The following NAALADL2 variants were observed in gnomAD, a reference collection of about 807,000 sequenced individuals.
The protein encoded by NAALADL2 is N-acetylated alpha-linked acidic dipeptidase like 2.
NAALADL2 carries 76 observed loss-of-function variants against 87.2 expected under a neutral mutation model. That is an observed-to-expected ratio of 0.87 (90% CI 0.72 to 1.05). The LOEUF (loss-of-function observed/expected upper bound fraction) is 1.05. Ranked by LOEUF, NAALADL2 falls within the 50% of genes least tolerant of loss-of-function variation. The pLI, the probability that NAALADL2 is intolerant of heterozygous loss-of-function variation, is 0.00. For synonymous variants in NAALADL2, 354 were observed against 331.0 expected, an observed-to-expected ratio of 1.07 and a Z score of -0.75; for missense variants, 1,089 against 945.8, an observed-to-expected ratio of 1.15 and a Z score of -1.99.
chr3:174,546,536 G>T (rs1722751621), intron 1 of NAALADL2, among the ~76,000 whole-genome samples: 1 of 152,152 alleles, frequency 6.6e-6, no homozygotes, highest in Non-Finnish European at 1.5e-5. Context: ...GATACAAACT[G>T]ACATTTCTTA....
intron 12 of NAALADL2, among the ~76,000 whole-genome samples, chr3:175,751,799 C>G (rs62286117): frequency 0.099 from 15,031 of 151,962 alleles, 783 homozygotes; most frequent in Middle Eastern, 0.14. Flanking sequence ...CTCAGTTTGT[C>G]CTCTTTTCTC....
At chr3:175,446,144 T>G (rs1485735997) in intron 5 of NAALADL2, among the ~76,000 whole-genome samples, 1 of 151,802 alleles carries the variant, frequency 6.6e-6, no homozygotes, top group East Asian at 1.9e-4. Flanking sequence ...CTCATCATAT[T>G]TGCTAAGAGT....
chr3:174,529,845 A>G (rs1044183307), intron 1 of NAALADL2, among the ~76,000 whole-genome samples: 21 of 152,222 alleles, frequency 1.4e-4, no homozygotes, highest in Non-Finnish European at 2.5e-4. Context: ...CACACAGCAC[A>G]GAGACCCTGG....
chr3:175,115,208 C>T (rs1724903675), intron 2 of NAALADL2: 1 of 151,492 alleles, frequency 6.6e-6, no homozygotes, highest in Non-Finnish European at 1.5e-5. Flanking sequence ...ATAATTTTTG[C>T]TTCTGAGAGT....
chr3:174,457,901 T>C (rs573576892), intron 1 of NAALADL2, among the ~76,000 whole-genome samples: 2 of 151,920 alleles, frequency 1.3e-5, no homozygotes, highest in African/African-American at 4.8e-5. Context: ...GAAAACCAAG[T>C]ACCACACGTT....
At chr3:175,264,617 T>C (rs1373284995) in intron 4 of NAALADL2, among the ~76,000 whole-genome samples, 1 of 151,750 alleles carries the variant, frequency 6.6e-6, no homozygotes, top group African/African-American at 2.4e-5. Flanking sequence ...TTCAAATTGT[T>C]TTTGTGGAAT....
chr3:174,826,602 C>T (rs569344811), intron 3 of NAALADL2, among the ~76,000 whole-genome samples: 3 of 152,294 alleles, frequency 2.0e-5, no homozygotes, highest in African/African-American at 7.2e-5. Context: ...AATGCCCATT[C>T]CATCTCTTAG....
At chr3:175,404,951 T>A (rs976468947) in intron 5 of NAALADL2, among the ~76,000 whole-genome samples, 1 of 152,180 alleles carries the variant, frequency 6.6e-6, no homozygotes, top group African/African-American at 2.4e-5. Context: ...TTATTATCTT[T>A]CTTATAATTT....
intron 2 of NAALADL2, among the ~76,000 whole-genome samples, chr3:175,165,918 T>C (rs1041061602): frequency 6.6e-6 from 1 of 152,036 alleles, no homozygotes; most frequent in Non-Finnish European, 1.5e-5. Flanking sequence ...CTGATATCTT[T>C]CTGTTTACTC....
rs556523016 is a variant in NAALADL2, at chr3:175,449,635, C to T, written c.1234+2263C>T. On this transcript the variant is annotated intron_variant, in intron 6 of 13. Coordinates refer to ENST00000454872, the MANE Select transcript of NAALADL2 (RefSeq NM_207015.3). ...GTCTCGATTTCCTGACCTCGTGATC[C>T]GCCCACCTCGGCCTCCCAAAGTGCT... Among the ~76,000 whole-genome samples, 402 of 151,504 alleles carry T rather than the reference C, an allele frequency of 2.7e-3. 1 individual carries two copies. The highest frequency in any genetic ancestry group is 8.4e-3 in the African/African-American group (347 of 41,286).
At chr3:174,917,395 T>C (rs1178389785) in intron 1 of NAALADL2, among the ~76,000 whole-genome samples, 1 of 152,146 alleles carries the variant, frequency 6.6e-6, no homozygotes, top group Non-Finnish European at 1.5e-5. Context: ...ACGACTTTAA[T>C]TGAATGACAT....
chr3:174,868,173 G>T (rs1446779771), intron 1 of NAALADL2, among the ~76,000 whole-genome samples: 4 of 152,088 alleles, frequency 2.6e-5, no homozygotes, highest in Non-Finnish European at 5.9e-5. Flanking sequence ...GGAAGAAGGA[G>T]AAATGTAATG....
At chr3:175,318,804 C>A (rs1424840128) in intron 4 of NAALADL2, among the ~76,000 whole-genome samples, 1 of 152,166 alleles carries the variant, frequency 6.6e-6, no homozygotes, top group Non-Finnish European at 1.5e-5. Context: ...TCCCCAACCG[C>A]TCTCTAGCAA....
chr3:175,636,804 C>T (rs1008089336), intron 11 of NAALADL2, among the ~76,000 whole-genome samples: 12 of 151,836 alleles, frequency 7.9e-5, no homozygotes, highest in South Asian at 2.1e-4. Context: ...TTAGCTGATA[C>T]GCAACTGATT....
chr3:174,965,116 G>A (rs180875926), intron 1 of NAALADL2, among the ~76,000 whole-genome samples: 6 of 152,094 alleles, frequency 3.9e-5, no homozygotes, highest in Non-Finnish European at 8.8e-5. Flanking sequence ...AGTGGGTGGG[G>A]CTGCAGTCAC....
chr3:174,825,155 G>A (rs930616177), intron 3 of NAALADL2, among the ~76,000 whole-genome samples: 1 of 152,132 alleles, frequency 6.6e-6, no homozygotes. Context: ...ATAATTTTAG[G>A]AATTGGCACA....
At chr3:174,680,410 A>G (rs1018870630) in intron 2 of NAALADL2, among the ~76,000 whole-genome samples, 5 of 152,166 alleles carry the variant, frequency 3.3e-5, no homozygotes, top group Non-Finnish European at 5.9e-5. Context: ...TTCCTCAAGC[A>G]TGTTGCAGTG....
At chr3:174,726,656 T>C (rs1292044855) in intron 2 of NAALADL2, among the ~76,000 whole-genome samples, 2 of 152,124 alleles carry the variant, frequency 1.3e-5, no homozygotes, top group Non-Finnish European at 2.9e-5. Flanking sequence ...TGAGCTTCTG[T>C]GACACCGTTG....
intron 2 of NAALADL2, among the ~76,000 whole-genome samples, chr3:175,177,503 A>T (rs1735857465): frequency 6.6e-6 from 1 of 152,118 alleles, no homozygotes; most frequent in Non-Finnish European, 1.5e-5. Context: ...ATTGGAATGA[A>T]TTTGAAGAAT....
Sources: allele counts gnomAD v4.1 joint callset (sites outside exome capture counted in the v4.1 genomes callset), GRCh38; gene constraint gnomAD v4.1.1; transcripts MANE v1.5; gene names NCBI Gene and HGNC (gene_info 2026-07-23, HGNC 2026-07-21).